GTF2F2: variants seen among roughly 807,000 people sequenced by gnomAD.
The protein encoded by GTF2F2 is general transcription factor IIF subunit 2, also known as ATP-dependent helicase GTF2F2.
A neutral mutation model predicts 42.2 loss-of-function variants in GTF2F2; 23 were observed. The ratio of observed to expected loss-of-function variants is 0.55; its 90% confidence interval spans 0.39 to 0.77. GTF2F2 has a LOEUF of 0.77. GTF2F2 is among the 30% of genes least tolerant of loss of function. The probability of loss-of-function intolerance (pLI) is 0.00; values close to 1 mark genes in which losing one functional copy is unlikely to be tolerated. For missense variants in GTF2F2, 261 were observed against 287.2 expected (o/e 0.91, Z 0.66); for synonymous variants, 105 against 100.8 (o/e 1.04, Z -0.25).
chr13:45,223,731 A>C (rs1874215122), intron 5 of GTF2F2, among the ~76,000 whole-genome samples: 1 of 152,232 alleles, frequency 6.6e-6, no homozygotes, highest in South Asian at 2.1e-4. Context: ...CTAAATGGTG[A>C]ATAAATGACA....
chr13:45,170,929 A>G (rs1871564202), intron 4 of GTF2F2, among the ~76,000 whole-genome samples: 1 of 152,164 alleles, frequency 6.6e-6, no homozygotes, highest in Non-Finnish European at 1.5e-5. Flanking sequence ...GAGGAAGATC[A>G]TGGTGGTCAG....
chr13:45,195,494 C>T (rs1238990558), intron 4 of GTF2F2, among the ~76,000 whole-genome samples: 2 of 152,194 alleles, frequency 1.3e-5, no homozygotes, highest in Non-Finnish European at 2.9e-5. Context: ...TTCAGAATAC[C>T]TACTACAAAA....
intron 1 of GTF2F2, among the ~76,000 whole-genome samples, chr13:45,130,071 A>G (rs1869255594): frequency 6.6e-6 from 1 of 152,232 alleles, no homozygotes; most frequent in African/African-American, 2.4e-5. Flanking sequence ...AGTTGAAGAT[A>G]TGGGATAGGA....
chr13:45,264,195 AG>A (rs1876465912), intron 6 of GTF2F2, among the ~76,000 whole-genome samples: 1 of 137,706 alleles, frequency 7.3e-6, no homozygotes, highest in Non-Finnish European at 1.6e-5. Flanking sequence ...CTAATTTTAA[AG>A]AGAAAGCACC....
At chr13:45,224,210 T>G (rs925656659) in intron 5 of GTF2F2, among the ~76,000 whole-genome samples, 1 of 152,212 alleles carries the variant, frequency 6.6e-6, no homozygotes, top group Non-Finnish European at 1.5e-5. Flanking sequence ...CTTTGAGAGT[T>G]ATATGTAGTT....
intron 4 of GTF2F2, among the ~76,000 whole-genome samples, chr13:45,154,231 TTAAG>T (rs1870644504): frequency 6.6e-6 from 1 of 152,168 alleles, no homozygotes; most frequent in African/African-American, 2.4e-5. Flanking sequence ...TTACATCTTA[TTAAG>T]TGACTAATTT....
intron 4 of GTF2F2, among the ~76,000 whole-genome samples, chr13:45,156,680 T>C (rs1870771662): frequency 6.6e-6 from 1 of 152,038 alleles, no homozygotes; most frequent in South Asian, 2.1e-4. Flanking sequence ...TGTGAGGAAA[T>C]TGGAAGATTG....
chr13:45,199,896 A>C (rs1359892354), intron 4 of GTF2F2, among the ~76,000 whole-genome samples: 6 of 152,156 alleles, frequency 3.9e-5, no homozygotes, highest in African/African-American at 7.2e-5. Context: ...GGTGTGGAGA[A>C]GAGAGAAGAG....
At chr13:45,226,872 A>C (rs112541514) in intron 5 of GTF2F2, among the ~76,000 whole-genome samples, 1 of 152,188 alleles carries the variant, frequency 6.6e-6, no homozygotes, top group African/African-American at 2.4e-5. Flanking sequence ...TTGCTATTGT[A>C]AATGTGTTTC....
chr13:45,263,935 AT>A (rs1433792171), intron 6 of GTF2F2: 1 of 165,822 alleles, frequency 6.0e-6, no homozygotes, highest in African/African-American at 2.4e-5. Flanking sequence ...AATATAAAGA[AT>A]TTGCTTGGAT....
intron 5 of GTF2F2, among the ~76,000 whole-genome samples, chr13:45,212,424 ATTTC>A (rs369661601): frequency 1.4e-4 from 18 of 128,510 alleles, no homozygotes; most frequent in East Asian, 8.2e-4. Flanking sequence ...CCTAGGATTG[ATTTC>A]TTTCTTTCTT....
chr13:45,218,238 A>G (rs7994429), intron 5 of GTF2F2, among the ~76,000 whole-genome samples: 15,894 of 152,228 alleles, frequency 0.1, 2,228 homozygotes, highest in African/African-American at 0.32. Flanking sequence ...CTGAGGATTT[A>G]AAATGGGTGC....
At chr13:45,271,486 G>A (rs925085740) in intron 7 of GTF2F2, among the ~76,000 whole-genome samples, 8 of 151,654 alleles carry the variant, frequency 5.3e-5, no homozygotes, top group South Asian at 2.1e-4. Flanking sequence ...TAGTTCAAGC[G>A]ATTCTTCTGC....
chr13:45,148,217 A>G (rs1156487580), intron 2 of GTF2F2, among the ~76,000 whole-genome samples: 1 of 152,168 alleles, frequency 6.6e-6, no homozygotes, highest in Non-Finnish European at 1.5e-5. Flanking sequence ...AGTCACCTTT[A>G]GTCTACTCTG....
At chr13:45,124,781 G>A (rs563668470) in intron 1 of GTF2F2, among the ~76,000 whole-genome samples, 71 of 152,124 alleles carry the variant, frequency 4.7e-4, no homozygotes, top group African/African-American at 1.6e-3. Flanking sequence ...GGCCAGGATG[G>A]TCTTGAACAG....
At chr13:45,278,816 CTTT>C (rs1157972776) in intron 7 of GTF2F2, among the ~76,000 whole-genome samples, 1 of 62,298 alleles carries the variant, frequency 1.6e-5, no homozygotes, top group Non-Finnish European at 2.9e-5. Context: ...TTTTCTTTTT[CTTT>C]TTTTTTTTTT....
intron 4 of GTF2F2, among the ~76,000 whole-genome samples, chr13:45,196,684 T>C (rs1448722411): frequency 6.6e-6 from 1 of 152,204 alleles, no homozygotes. Context: ...TGTGCTAGCA[T>C]GTTCTTGTTT....
chr13:45,207,714 A>G (rs1365236222), intron 5 of GTF2F2, among the ~76,000 whole-genome samples: 1 of 152,206 alleles, frequency 6.6e-6, no homozygotes, highest in East Asian at 1.9e-4. Flanking sequence ...ATTTTAAGCT[A>G]CTTTGTTAAT....
intron 1 of GTF2F2, among the ~76,000 whole-genome samples, chr13:45,130,912 C>T (rs1230142417): frequency 6.6e-6 from 1 of 152,074 alleles, no homozygotes; most frequent in African/African-American, 2.4e-5. Context: ...AGTTGTCATA[C>T]AGATGGTATT....
Sources: allele counts gnomAD v4.1 joint callset (sites outside exome capture counted in the v4.1 genomes callset), GRCh38; gene constraint gnomAD v4.1.1; transcripts MANE v1.5; gene names NCBI Gene and HGNC (gene_info 2026-07-23, HGNC 2026-07-21).